The following NAA11 variants were observed in gnomAD, a reference collection of about 807,000 sequenced individuals.
NAA11 encodes N-alpha-acetyltransferase 11.
In NAA11, 15 loss-of-function variants were observed where a neutral mutation model predicts 16.1. The ratio of observed to expected loss-of-function variants is 0.93; its 90% CI spans 0.62 to 1.44. The LOEUF (loss-of-function observed/expected upper bound fraction) is 1.44, where lower values mean the gene tolerates loss of function less well. NAA11 is among the 40% of genes most tolerant of loss of function. NAA11 has a pLI of 0.00. For synonymous variants in NAA11, 122 were observed against 112.4 expected, an observed-to-expected ratio of 1.09 and a Z score of -0.54; for missense variants, 298 against 291.3, an observed-to-expected ratio of 1.02 and a Z score of -0.17.
intron 1 of NAA11, among the ~76,000 whole-genome samples, chr4:79,301,649 G>A (rs1460343916): frequency 6.6e-6 from 1 of 152,136 alleles, no homozygotes; most frequent in Non-Finnish European, 1.5e-5. Context: ...GTACATGGTG[G>A]TGATAAAAGC....
chr4:79,306,923 T>C (rs1366268174), intron 1 of NAA11: 1 of 152,214 alleles, frequency 6.6e-6, no homozygotes, highest in Non-Finnish European at 1.5e-5. Flanking sequence ...TGTATAGCTA[T>C]AGTCAAAGCT....
At chr4:79,276,188 A>T (rs1722641691) in intron 2 of NAA11, among the ~76,000 whole-genome samples, 1 of 152,138 alleles carries the variant, frequency 6.6e-6, no homozygotes, top group African/African-American at 2.4e-5. Flanking sequence ...TCTGGCTCCT[A>T]CTAAGAAATT....
intron 1 of NAA11, among the ~76,000 whole-genome samples, chr4:79,309,717 T>TC (rs1293609446): frequency 3.0e-5 from 4 of 135,040 alleles, no homozygotes; most frequent in African/African-American, 5.5e-5. Flanking sequence ...TTTTTTTCTT[T>TC]TTTTTTTTTT....
chr4:79,231,042 G>A (rs1248877350), intron 2 of NAA11, among the ~76,000 whole-genome samples: 2 of 151,990 alleles, frequency 1.3e-5, no homozygotes, highest in Non-Finnish European at 1.5e-5. Flanking sequence ...GAGTAGGAAT[G>A]TATCTGTGTT....
At chr4:79,246,989 A>G (rs904231154) in intron 2 of NAA11, among the ~76,000 whole-genome samples, 5 of 152,212 alleles carry the variant, frequency 3.3e-5, no homozygotes, top group Non-Finnish European at 7.3e-5. Flanking sequence ...CTGAAGGTCA[A>G]GGGCTGGAGG....
chr4:79,208,925 C>CAAAAAAAAAAAAAA, the NAA11 span, among the ~76,000 whole-genome samples: 1 of 53,968 alleles, frequency 1.9e-5, no homozygotes, highest in Non-Finnish European at 3.6e-5. Context: ...ATATAACTGC[C>CAAAAAAAAAAAAAA]AAAAAAAAAA....
chr4:79,261,609 C>T (rs906427498), intron 2 of NAA11, among the ~76,000 whole-genome samples: 1 of 152,114 alleles, frequency 6.6e-6, no homozygotes, highest in Admixed American at 6.5e-5. Flanking sequence ...GATAATTACT[C>T]AGAAGTTGAA....
the NAA11 span, among the ~76,000 whole-genome samples, chr4:79,191,149 T>C: frequency 6.6e-6 from 1 of 152,152 alleles, no homozygotes; most frequent in East Asian, 1.9e-4. Flanking sequence ...GCATGTGTCT[T>C]GATGGCAGAA....
At chr4:79,269,568 A>G (rs2109979460) in intron 2 of NAA11, among the ~76,000 whole-genome samples, 1 of 150,158 alleles carries the variant, frequency 6.7e-6, no homozygotes, top group African/African-American at 2.4e-5. Context: ...TTTCTTGTAA[A>G]TTTGTTTGAG....
At chr4:79,173,284 A>G in the NAA11 span, among the ~76,000 whole-genome samples, 1 of 152,098 alleles carries the variant, frequency 6.6e-6, no homozygotes, top group Non-Finnish European at 1.5e-5. Context: ...TAATCATTCA[A>G]TCAGCTATGT....
chr4:79,314,526 C>T (rs1723871542), downstream of NAA11, among the ~76,000 whole-genome samples: 1 of 151,136 alleles, frequency 6.6e-6, no homozygotes, highest in Non-Finnish European at 1.5e-5. Flanking sequence ...GATTCCGATG[C>T]ACTAAGCATA....
intron 2 of NAA11, among the ~76,000 whole-genome samples, chr4:79,261,975 A>AT (rs906450796): frequency 1.3e-5 from 2 of 151,554 alleles, no homozygotes; most frequent in Admixed American, 1.3e-4. Context: ...ACTTGCTCTC[A>AT]TTTTTTTTTC....
At chr4:79,246,522 G>A (rs931570257) in intron 2 of NAA11, among the ~76,000 whole-genome samples, 3 of 152,034 alleles carry the variant, frequency 2.0e-5, no homozygotes, top group Admixed American at 2.0e-4. Flanking sequence ...AAATTTAGTG[G>A]TATCTTCAGG....
At chr4:79,295,649 G>A (rs891424804) in intron 1 of NAA11, among the ~76,000 whole-genome samples, 1 of 152,072 alleles carries the variant, frequency 6.6e-6, no homozygotes, top group Non-Finnish European at 1.5e-5. Context: ...CTTTAAAAAA[G>A]CAGGAAAGAA....
rs1297892239 is a variant in NAA11, at chr4:79,325,186, C to G, written c.*2G>C. 2 of 1,602,128 alleles carry G rather than the reference C, an allele frequency of 1.2e-6. No individual in the cohort carries two copies. Among genetic ancestry groups the G allele is most frequent in the South Asian group, 2.2e-5 (2 of 88,998 alleles). ...GGGAAGACAGAATACCTTAAGCATG[C>G]TCTAGGAGGTGGAATCCGAGCTTTC... On this transcript the variant is annotated 3_prime_UTR_variant, in exon 1 of 2. Coordinates refer to ENST00000286794, the MANE Select transcript of NAA11 (RefSeq NM_032693.3).
chr4:79,228,115 G>A (rs566582884), intron 2 of NAA11, among the ~76,000 whole-genome samples: 6 of 152,052 alleles, frequency 3.9e-5, no homozygotes, highest in South Asian at 2.1e-4. Context: ...GTCCACTGGG[G>A]TGCTGGCTGG....
the NAA11 span, among the ~76,000 whole-genome samples, chr4:79,176,743 G>A: frequency 2.6e-5 from 4 of 152,156 alleles, no homozygotes; most frequent in African/African-American, 4.8e-5. Context: ...ACTCCTTAAT[G>A]TTAAATAAAC....
At chr4:79,160,824 C>A in the NAA11 span, among the ~76,000 whole-genome samples, 2 of 151,652 alleles carry the variant, frequency 1.3e-5, no homozygotes, top group African/African-American at 4.8e-5. Context: ...TGATGATGTT[C>A]TTTGAAACAT....
chr4:79,301,407 A>C (rs1220605961), intron 1 of NAA11, among the ~76,000 whole-genome samples: 1 of 152,216 alleles, frequency 6.6e-6, no homozygotes, highest in East Asian at 1.9e-4. Flanking sequence ...GATCATCTAT[A>C]CTAATCAAGA....
Sources: allele counts gnomAD v4.1 joint callset (sites outside exome capture counted in the v4.1 genomes callset), GRCh38; gene constraint gnomAD v4.1.1; transcripts MANE v1.5; gene names NCBI Gene and HGNC (gene_info 2026-07-23, HGNC 2026-07-21).